Variants in EPHX2 observed in about 807,000 individuals in gnomAD.
EPHX2 encodes bifunctional epoxide hydrolase 2.
EPHX2 carries 74 observed loss-of-function variants against 78.7 expected under a neutral mutation model. The ratio of observed to expected loss-of-function variants is 0.94; its 90% CI spans 0.78 to 1.14. The LOEUF (loss-of-function observed/expected upper bound fraction) is 1.14, where lower values mean the gene tolerates loss of function less well. Ranked by LOEUF, EPHX2 falls within the 50% of genes most tolerant of loss-of-function variation. The pLI is 0.00. For synonymous variants in EPHX2, 251 were observed against 255.2 expected, an observed-to-expected ratio of 0.98 and a Z score of 0.16; for missense variants, 715 against 702.5, an observed-to-expected ratio of 1.02 and a Z score of -0.20.
chr8:27,513,914 G>A (rs1217478030), intron 6 of EPHX2, among the ~76,000 whole-genome samples: 1 of 152,202 alleles, frequency 6.6e-6, no homozygotes, highest in African/African-American at 2.4e-5. Context: ...AAGTGCTGAA[G>A]GAAAGACTAT....
At chr8:27,511,339 CA>C (rs1193217973) in intron 5 of EPHX2, among the ~76,000 whole-genome samples, 1 of 152,180 alleles carries the variant, frequency 6.6e-6, no homozygotes, top group Non-Finnish European at 1.5e-5. Context: ...GCCACAGAAG[CA>C]AATAATATTA....
chr8:27,544,078 G>T, intron 17 of EPHX2, 108 bp from the exon 18 acceptor site: 1 of 1,311,472 alleles, frequency 7.6e-7, no homozygotes, highest in Non-Finnish European at 1.1e-6. Flanking sequence ...GTTTGGGCAG[G>T]GTGGCCTGCG....
At chr8:27,539,158 G>C (rs1182986980) in intron 14 of EPHX2, 1 of 160,966 alleles carries the variant, frequency 6.2e-6, no homozygotes, top group Non-Finnish European at 1.4e-5. Context: ...TTGGGTATGA[G>C]TGAAGGGTCA....
At chr8:27,516,567 G>A (rs1814462902) in intron 8 of EPHX2, among the ~76,000 whole-genome samples, 169 bp downstream of exon 8, 1 of 152,044 alleles carries the variant, frequency 6.6e-6, no homozygotes, top group Admixed American at 6.6e-5. Flanking sequence ...TGCACTTTGG[G>A]CCTCAGATGC....
At chr8:27,500,616 G>A (rs548325573) in intron 1 of EPHX2, among the ~76,000 whole-genome samples, 74 of 152,278 alleles carry the variant, frequency 4.9e-4, no homozygotes, top group African/African-American at 1.4e-3. Context: ...AGTAATGGCC[G>A]CGTGCCCACT....
chr8:27,492,966 G>T, intron 1 of EPHX2: 1 of 154,534 alleles, frequency 6.5e-6, no homozygotes, highest in South Asian at 1.9e-4. Flanking sequence ...GGGCAAAGAA[G>T]GGGCCCTGCC....
At chr8:27,518,993 G>A (rs1814555264) in intron 9 of EPHX2, among the ~76,000 whole-genome samples, 1 of 152,294 alleles carries the variant, frequency 6.6e-6, no homozygotes, top group Non-Finnish European at 1.5e-5. Context: ...TTGAGACAGG[G>A]ACATTGGGTC....
chr8:27,521,437 G>T (rs138481540), intron 10 of EPHX2, among the ~76,000 whole-genome samples: 1 of 152,272 alleles, frequency 6.6e-6, no homozygotes, highest in Non-Finnish European at 1.5e-5. Flanking sequence ...GGGCAGAATG[G>T]ACGGAGGGGT....
chr8:27,546,128 C>CA (rs368341959), downstream of EPHX2, among the ~76,000 whole-genome samples: 14,784 of 86,570 alleles, frequency 0.17, 867 homozygotes, highest in African/African-American at 0.24. Flanking sequence ...GACTCCGACT[C>CA]AAAAAAAAAA....
intron 1 of EPHX2, among the ~76,000 whole-genome samples, chr8:27,494,430 C>T (rs1378187659): frequency 6.6e-6 from 1 of 152,210 alleles, no homozygotes; most frequent in Non-Finnish European, 1.5e-5. Flanking sequence ...ACTTTGTAAG[C>T]TTTGGGGAAG....
chr8:27,523,574 T>A (rs912975002), intron 11 of EPHX2, among the ~76,000 whole-genome samples: 1 of 152,236 alleles, frequency 6.6e-6, no homozygotes, highest in Non-Finnish European at 1.5e-5. Context: ...AGATTGGAAC[T>A]ACCAGGAAAC....
In EPHX2 at chr8:27,540,403, ACT is replaced by A. The variant is rs1585224300; in HGVS notation, c.1277-148_1277-147del. 4 of 632,986 alleles carry A rather than the reference ACT, an allele frequency of 6.3e-6. No homozygotes were observed. The East Asian group carries it at 8.5e-5, about 14-fold the overall frequency. 39.2% of individuals were successfully genotyped at this position (632,986 alleles called of 1,614,324 possible). A position where few individuals can be genotyped will look rare whatever the true frequency, so the allele number is the denominator to read the frequency against. On this transcript the variant is annotated intron_variant, in intron 14 of 18. Transcript: ENST00000521400. ...TTTGAGCTTTCGAGGAGATGGGATC[ACT>A]CTGGCAAAGGATAAGGGAACAAAAG...
At chr8:27,532,631 G>A (rs1283683234) in intron 12 of EPHX2, among the ~76,000 whole-genome samples, 1 of 151,998 alleles carries the variant, frequency 6.6e-6, no homozygotes. Context: ...GGCAATTCCT[G>A]GTGTTCCTCA....
At chr8:27,506,294 T>G (rs1025473611) in intron 4 of EPHX2, among the ~76,000 whole-genome samples, 1 of 152,212 alleles carries the variant, frequency 6.6e-6, no homozygotes, top group African/African-American at 2.4e-5. Context: ...CTTTCTTTAT[T>G]ACTACATATA....
intron 11 of EPHX2, among the ~76,000 whole-genome samples, chr8:27,523,935 G>GTTT (rs58934271): frequency 7.2e-6 from 1 of 139,854 alleles, no homozygotes; most frequent in Non-Finnish European, 1.6e-5. Flanking sequence ...TTCTATTCCT[G>GTTT]TTTTTTTTTT....
intron 12 of EPHX2, among the ~76,000 whole-genome samples, chr8:27,528,428 C>A (rs576528336): frequency 1.3e-5 from 2 of 152,248 alleles, no homozygotes; most frequent in South Asian, 2.1e-4. Context: ...GGGGTTCCTG[C>A]CAGCCTGCCT....
intron 2 of EPHX2, among the ~76,000 whole-genome samples, chr8:27,501,381 CTTCTT>C (rs1198995705): frequency 4.9e-4 from 56 of 113,204 alleles, no homozygotes; most frequent in African/African-American, 1.3e-3. Context: ...TCTTCTTCTT[CTTCTT>C]CTTCTTCTTT....
At chr8:27,498,410 GT>G (rs1357840992) in intron 1 of EPHX2, among the ~76,000 whole-genome samples, 2 of 151,984 alleles carry the variant, frequency 1.3e-5, no homozygotes, top group East Asian at 3.9e-4. Flanking sequence ...GTTGTATCAA[GT>G]TGCTTTTTTT....
At chr8:27,520,960 G>A (rs757666552) in intron 10 of EPHX2, 51 bp downstream of exon 10, 2 of 1,611,454 alleles carry the variant, frequency 1.2e-6, no homozygotes, top group South Asian at 1.1e-5. Flanking sequence ...TTGGGGCCTG[G>A]GTAATTAAAG....
Sources: gnomAD v4.1 joint callset for allele counts (sites outside exome capture counted in the v4.1 genomes callset) on GRCh38, gnomAD v4.1.1 for gene constraint, MANE v1.5 for transcripts, NCBI Gene and HGNC (gene_info 2026-07-23, HGNC 2026-07-21) for gene names.